Variants in TENM2 observed in about 807,000 individuals in gnomAD.
TENM2 encodes the protein teneurin-2.
TENM2 carries 52 observed loss-of-function variants against 245.2 expected under a neutral mutation model. The observed-to-expected ratio is 0.21, with a 90% CI of 0.17 to 0.27. TENM2 has a LOEUF of 0.27. TENM2 is among the 10% of genes least tolerant of loss of function. The pLI is 1.00. For synonymous variants in TENM2, 1,363 were observed against 1,438.9 expected (o/e 0.95, Z 1.19); for missense variants, 3,046 against 3,666.8 (o/e 0.83, Z 4.37).
At chr5:168,079,935 C>T (rs562562049) in intron 7 of TENM2, among the ~76,000 whole-genome samples, 2 of 152,322 alleles carry the variant, frequency 1.3e-5, no homozygotes, top group South Asian at 4.1e-4. Flanking sequence ...CAGGATGATC[C>T]TGGCCCCATA....
chr5:168,024,416 A>G (rs1786428686), intron 5 of TENM2, among the ~76,000 whole-genome samples: 1 of 152,196 alleles, frequency 6.6e-6, no homozygotes, highest in Non-Finnish European at 1.5e-5. Flanking sequence ...TGAATCCGAA[A>G]TCTCAATAAT....
chr5:167,308,801 A>T (rs1755838656), intron 1 of TENM2, among the ~76,000 whole-genome samples: 1 of 152,212 alleles, frequency 6.6e-6, no homozygotes, highest in Non-Finnish European at 1.5e-5. Context: ...TAAGCTTAGA[A>T]TTGAGACCAC....
At chr5:167,181,862 C>T in the TENM2 span, among the ~76,000 whole-genome samples, 1 of 152,074 alleles carries the variant, frequency 6.6e-6, no homozygotes, top group Non-Finnish European at 1.5e-5. Context: ...TTACATTTTG[C>T]CTGAAACCTC....
At chr5:167,455,165 T>C (rs139352675) in intron 2 of TENM2, among the ~76,000 whole-genome samples, 3 of 152,334 alleles carry the variant, frequency 2.0e-5, no homozygotes, top group Non-Finnish European at 4.4e-5. Flanking sequence ...TCATTAATGT[T>C]TAATTCTTTA....
chr5:167,276,592 A>G, the TENM2 span, among the ~76,000 whole-genome samples: 1 of 152,062 alleles, frequency 6.6e-6, no homozygotes, highest in Non-Finnish European at 1.5e-5. Context: ...ACCTCTCAGC[A>G]TCCACAGGGG....
chr5:168,130,862 C>T (rs971679209), intron 12 of TENM2, among the ~76,000 whole-genome samples: 3 of 152,096 alleles, frequency 2.0e-5, no homozygotes, highest in African/African-American at 4.8e-5. Context: ...GGCACTCCAG[C>T]CTGAGTGACA....
chr5:167,407,516 T>A (rs1266752297), intron 2 of TENM2, among the ~76,000 whole-genome samples: 1 of 152,012 alleles, frequency 6.6e-6, no homozygotes, highest in African/African-American at 2.4e-5. Context: ...TGAAAAAGAA[T>A]CTTTTGTAGA....
chr5:167,491,154 A>G (rs1443828888), intron 2 of TENM2, among the ~76,000 whole-genome samples: 5 of 152,110 alleles, frequency 3.3e-5, no homozygotes, highest in African/African-American at 1.2e-4. Flanking sequence ...TAAAATTGTG[A>G]ACCATTACTG....
chr5:167,047,755 T>C, the TENM2 span, among the ~76,000 whole-genome samples: 1 of 152,184 alleles, frequency 6.6e-6, no homozygotes, highest in Non-Finnish European at 1.5e-5. Context: ...ACTGTTATCA[T>C]AGTAAGTCTT....
the TENM2 span, among the ~76,000 whole-genome samples, chr5:167,176,105 T>C: frequency 6.6e-6 from 1 of 152,216 alleles, no homozygotes; most frequent in African/African-American, 2.4e-5. Flanking sequence ...GAATCCTCAT[T>C]GCACTTCAAA....
At chr5:167,067,359 T>A in the TENM2 span, among the ~76,000 whole-genome samples, 1 of 152,172 alleles carries the variant, frequency 6.6e-6, no homozygotes, top group Non-Finnish European at 1.5e-5. Context: ...GATCCTGCAT[T>A]TGAATGTTGA....
chr5:167,925,606 A>G (rs1270935467), intron 3 of TENM2, among the ~76,000 whole-genome samples: 7 of 152,342 alleles, frequency 4.6e-5, no homozygotes, highest in South Asian at 4.1e-4. Flanking sequence ...ATTACTGGGT[A>G]TATAACCAGA....
At chr5:168,051,569 A>G (rs1581166923) in intron 6 of TENM2, among the ~76,000 whole-genome samples, 1 of 152,212 alleles carries the variant, frequency 6.6e-6, no homozygotes, top group Non-Finnish European at 1.5e-5. Context: ...AGGAAGATCA[A>G]ACTCCCAATA....
At chr5:166,989,189 C>G in the TENM2 span, among the ~76,000 whole-genome samples, 4 of 151,680 alleles carry the variant, frequency 2.6e-5, no homozygotes, top group African/African-American at 9.7e-5. Context: ...CCTGCCTCAG[C>G]CTCCCAGTGG....
At chr5:167,907,517 C>A (rs1198807330) in intron 3 of TENM2, among the ~76,000 whole-genome samples, 5 of 115,260 alleles carry the variant, frequency 4.3e-5, no homozygotes, top group African/African-American at 1.5e-4. Flanking sequence ...TTGTTTAGAT[C>A]ACCCTAAATA....
the TENM2 span, among the ~76,000 whole-genome samples, chr5:167,020,346 A>G: frequency 6.6e-6 from 1 of 152,212 alleles, no homozygotes; most frequent in Non-Finnish European, 1.5e-5. Context: ...GAAGAAACTC[A>G]GAATGCTTTT....
intron 13 of TENM2, among the ~76,000 whole-genome samples, chr5:168,185,723 T>G (rs1020023869): frequency 6.6e-6 from 1 of 151,812 alleles, no homozygotes; most frequent in African/African-American, 2.4e-5. Flanking sequence ...AACCTATCAC[T>G]GTTTGGAAAT....
intron 2 of TENM2, among the ~76,000 whole-genome samples, chr5:167,826,894 G>C (rs968721001): frequency 2.0e-5 from 3 of 152,222 alleles, no homozygotes; most frequent in African/African-American, 7.2e-5. Context: ...TACAGTCAAT[G>C]GCAGCATTTC....
chr5:167,633,715 A>C (rs1241644781), intron 2 of TENM2, among the ~76,000 whole-genome samples: 2 of 152,188 alleles, frequency 1.3e-5, no homozygotes, highest in East Asian at 3.9e-4. Context: ...CCATCTTTAT[A>C]ATAATATTGA....
Sources: allele counts gnomAD v4.1 joint callset (sites outside exome capture counted in the v4.1 genomes callset), GRCh38; gene constraint gnomAD v4.1.1; transcripts MANE v1.5; gene names NCBI Gene and HGNC (gene_info 2026-07-23, HGNC 2026-07-21).